The following PCDH11X variants were observed in gnomAD, a reference collection of about 807,000 sequenced individuals.
PCDH11X encodes protocadherin 11 X-linked.
In PCDH11X, 18 loss-of-function variants were observed where a neutral mutation model predicts 53.3. That is an observed-to-expected ratio of 0.34 (90% CI 0.23 to 0.50). The LOEUF is 0.50. Ranked by LOEUF, PCDH11X falls within the 20% of genes least tolerant of loss-of-function variation. PCDH11X has a pLI of 0.98. For missense variants in PCDH11X, 570 were observed against 1,032.4 expected, an observed-to-expected ratio of 0.55 and a Z score of 6.14; for synonymous variants, 279 against 393.3, an observed-to-expected ratio of 0.71 and a Z score of 3.44.
chrX:92,551,092 G>T (rs929944895), intron 10 of PCDH11X, among the ~76,000 whole-genome samples: 9 of 110,433 alleles, frequency 8.1e-5, no homozygotes, highest in East Asian at 2.9e-4. Context: ...TTTCTTTTTG[G>T]TATATGCCAA....
chrX:92,193,582 AT>A (rs1478215873), intron 6 of PCDH11X, among the ~76,000 whole-genome samples: 6 of 110,731 alleles, frequency 5.4e-5, no homozygotes, highest in Admixed American at 1.9e-4. Flanking sequence ...ATTCCTCTAT[AT>A]TTTTTTCCAA....
chrX:92,061,685 T>C (rs1450408337), intron 6 of PCDH11X, among the ~76,000 whole-genome samples: 1 of 110,264 alleles, frequency 9.1e-6, no homozygotes, highest in African/African-American at 3.3e-5. Context: ...TACCATGATG[T>C]TTTAGTTACT....
intron 8 of PCDH11X, among the ~76,000 whole-genome samples, chrX:92,363,520 T>G (rs2522668): frequency 1.1e-5 from 1 of 95,156 alleles, no homozygotes; most frequent in African/African-American, 3.8e-5. Context: ...CTCTGCTGAT[T>G]TTACTTATTA....
intron 6 of PCDH11X, among the ~76,000 whole-genome samples, chrX:92,173,709 T>G (rs112070210): frequency 9.2e-6 from 1 of 108,920 alleles, no homozygotes; most frequent in African/African-American, 3.3e-5. Context: ...AATGAGAAAG[T>G]CCAGGTGTGG....
chrX:92,601,358 T>G (rs4020568), intron 10 of PCDH11X, among the ~76,000 whole-genome samples: 21,601 of 97,901 alleles, frequency 0.22, 2,400 homozygotes, highest in African/African-American at 0.31. Flanking sequence ...GTTTTTCCCA[T>G]GCTATTCTTG....
intron 7 of PCDH11X, among the ~76,000 whole-genome samples, chrX:92,262,297 G>T (rs1157822834): frequency 1.8e-5 from 2 of 111,442 alleles, no homozygotes; most frequent in Non-Finnish European, 3.8e-5. Flanking sequence ...ACTGTAAAAA[G>T]AACAGGGAAT....
chrX:91,822,988 G>T (rs1602295698), intron 4 of PCDH11X, among the ~76,000 whole-genome samples: 1 of 110,097 alleles, frequency 9.1e-6, no homozygotes, highest in African/African-American at 3.3e-5. Flanking sequence ...GCGGTTTTGA[G>T]TGAGTTTCTT....
At chrX:92,146,817 G>A (rs2065274417) in intron 6 of PCDH11X, among the ~76,000 whole-genome samples, 1 of 110,335 alleles carries the variant, frequency 9.1e-6, no homozygotes, top group South Asian at 3.9e-4. Flanking sequence ...TGGCCAGCAA[G>A]GCGAAACCCC....
At chrX:92,194,602 G>T (rs2066259653) in intron 6 of PCDH11X, among the ~76,000 whole-genome samples, 1 of 110,728 alleles carries the variant, frequency 9.0e-6, no homozygotes, top group South Asian at 3.7e-4. Context: ...GTGGGAAAAT[G>T]TCTTCTCCTT....
At chrX:92,603,561 A>AG (rs1329701763) in intron 10 of PCDH11X, among the ~76,000 whole-genome samples, 2 of 108,482 alleles carry the variant, frequency 1.8e-5, no homozygotes, top group Non-Finnish European at 3.8e-5. Flanking sequence ...AAAATTTTGG[A>AG]GGGAAAAAAA....
chrX:91,945,644 G>GCAGC (rs1224462333), intron 6 of PCDH11X, among the ~76,000 whole-genome samples: 2 of 102,899 alleles, frequency 1.9e-5, no homozygotes, highest in Non-Finnish European at 4.0e-5. Context: ...TTCTAAAAAT[G>GCAGC]CAGCCTATTT....
At chrX:92,541,875 G>T (rs2074765000) in intron 10 of PCDH11X, among the ~76,000 whole-genome samples, 1 of 110,524 alleles carries the variant, frequency 9.0e-6, no homozygotes, top group South Asian at 3.9e-4. Flanking sequence ...CTTGAACCCA[G>T]GCGGCGGAGG....
chrX:91,843,066 T>TA (rs1263933802), intron 5 of PCDH11X, among the ~76,000 whole-genome samples: 1 of 108,305 alleles, frequency 9.2e-6, no homozygotes, highest in Non-Finnish European at 1.9e-5. Context: ...ACTAATATCT[T>TA]AGTCTAATTC....
At chrX:91,973,168 C>G (rs2061992391) in intron 6 of PCDH11X, among the ~76,000 whole-genome samples, 1 of 106,172 alleles carries the variant, frequency 9.4e-6, no homozygotes, top group Admixed American at 1.0e-4. Context: ...AATCATCATT[C>G]TCAGTAAACT....
chrX:91,894,909 C>G (rs1204301472), intron 6 of PCDH11X, among the ~76,000 whole-genome samples: 8 of 110,617 alleles, frequency 7.2e-5, no homozygotes, highest in African/African-American at 2.6e-4. Context: ...AGAGACTTGT[C>G]CTATTAACAC....
In PCDH11X at chrX:92,615,690, A is replaced by T. The variant is rs941221637; in HGVS notation, c.3368-2574A>T. On this transcript the variant is annotated intron_variant, in intron 10 of 10. Transcript: ENST00000682573. Reference sequence around the variant, plus strand: ...GGCTGATTTTGTATGTGCCTGGATTAAAAATGGCATCCTGCTGTCAGTCCT... The same window carrying T: ...GGCTGATTTTGTATGTGCCTGGATTTAAAATGGCATCCTGCTGTCAGTCCT... Among the ~76,000 whole-genome samples, 6 of 111,206 alleles carry T rather than the reference A, an allele frequency of 5.4e-5. No homozygotes were observed. In the Admixed American group the frequency reaches 5.7e-4, roughly 11 times the overall value.
At chrX:92,163,515 C>T (rs1171447795) in intron 6 of PCDH11X, among the ~76,000 whole-genome samples, 1 of 111,066 alleles carries the variant, frequency 9.0e-6, no homozygotes, top group Non-Finnish European at 1.9e-5. Flanking sequence ...GCTTTTTCCA[C>T]TGCTTCCTCT....
rs181067404 is a variant in PCDH11X at position 92,115,756 on chromosome X, C to T, written c.3034-85619C>T. ...GCATCCAGAGGAAGACTCAGCATGT[C>T]GGCTTATCCCACCTTCTTCTGACTG... On this transcript the variant is annotated intron_variant, in intron 6 of 10. Coordinates refer to ENST00000682573, the MANE Select transcript of PCDH11X (RefSeq NM_032968.5). Among the ~76,000 whole-genome samples the T allele has an allele frequency of 1.6e-4, 18 of 110,182 alleles. No individual in the cohort carries two copies. The Admixed American group carries it at 1.8e-3, about 11-fold the overall frequency.
intron 8 of PCDH11X, among the ~76,000 whole-genome samples, chrX:92,270,871 A>T (rs746783585): frequency 8.9e-6 from 1 of 111,858 alleles, no homozygotes; most frequent in Admixed American, 9.5e-5. Flanking sequence ...TTTGAGCTTA[A>T]TTTTTTCCTT....
Sources: gnomAD v4.1 joint callset for allele counts (sites outside exome capture counted in the v4.1 genomes callset) on GRCh38, gnomAD v4.1.1 for gene constraint, MANE v1.5 for transcripts, NCBI Gene and HGNC (gene_info 2026-07-23, HGNC 2026-07-21) for gene names.